Variants in MCCC1 observed in about 807,000 individuals in gnomAD.
MCCC1 encodes the protein methylcrotonyl-CoA carboxylase subunit 1, also known as methylcrotonoyl-CoA carboxylase subunit alpha, mitochondrial.
A neutral mutation model predicts 83.8 loss-of-function variants in MCCC1; 64 were observed. That is an observed-to-expected ratio of 0.76 (90% CI 0.62 to 0.94). The LOEUF (loss-of-function observed/expected upper bound fraction) is 0.94, where lower values mean the gene tolerates loss of function less well. Among genes scored for constraint, MCCC1 ranks in the 40% least tolerant of loss-of-function variants. MCCC1 has a pLI of 0.00. For synonymous variants in MCCC1, 322 were observed against 315.4 expected, an observed-to-expected ratio of 1.02 and a Z score of -0.22; for missense variants, 807 against 904.7, an observed-to-expected ratio of 0.89 and a Z score of 1.39.
At chr3:183,074,664 G>A (rs1716933419) in intron 4 of MCCC1, among the ~76,000 whole-genome samples, 1 of 152,102 alleles carries the variant, frequency 6.6e-6, no homozygotes. Flanking sequence ...TAAAATGCTG[G>A]ATACTCATAT....
chr3:183,040,669 G>A (rs1714006876), intron 11 of MCCC1, among the ~76,000 whole-genome samples: 2 of 151,992 alleles, frequency 1.3e-5, no homozygotes, highest in Non-Finnish European at 2.9e-5. Context: ...GTTGTAGTGA[G>A]CTGAGATCAC....
intron 10 of MCCC1, among the ~76,000 whole-genome samples, chr3:183,042,399 C>A (rs1270301950): frequency 1.3e-5 from 2 of 152,172 alleles, no homozygotes; most frequent in African/African-American, 4.8e-5. Context: ...CTTCAATTAA[C>A]TAGTATAAAT....
At position 183,099,300 on chromosome 3, in the gene MCCC1, G is replaced by C. The variant is rs535680063; in HGVS notation, c.89+52C>G. On this transcript the variant is annotated intron_variant, in intron 1 of 18. Coordinates refer to ENST00000265594, the MANE Select transcript of MCCC1 (RefSeq NM_020166.5). ...CACCTCCCACCGCTCACGCGGGTCC[G>C]TGCACCCCTCGCTCCCGCCTCTGCC... 8 of 1,544,084 alleles carry C rather than the reference G, an allele frequency of 5.2e-6. No individual in the cohort carries two copies. The East Asian group carries it at 1.9e-4, about 37-fold the overall frequency.
chr3:183,033,267 T>C (rs1208789931), intron 14 of MCCC1, among the ~76,000 whole-genome samples: 1 of 152,226 alleles, frequency 6.6e-6, no homozygotes, highest in Non-Finnish European at 1.5e-5. Context: ...CCAACTCAAA[T>C]TAGTTTACAA....
At chr3:183,021,954 T>C (rs986296869) in intron 16 of MCCC1, among the ~76,000 whole-genome samples, 8 of 152,002 alleles carry the variant, frequency 5.3e-5, no homozygotes, top group African/African-American at 1.7e-4. Context: ...AGACCACCAG[T>C]AATGCCATCC....
At chr3:183,089,306 T>TAAGAGTG (rs2108558838) in intron 3 of MCCC1, among the ~76,000 whole-genome samples, 2 of 152,190 alleles carry the variant, frequency 1.3e-5, no homozygotes, top group South Asian at 4.1e-4. Flanking sequence ...GGGGGACAGT[T>TAAGAGTG]AAGAGTGGAG....
Position 183,015,410 on chromosome 3 carries a change from A to G in MCCC1, c.*28T>C. On this transcript the variant is annotated 3_prime_UTR_variant, in exon 19 of 19. Coordinates refer to ENST00000265594, the MANE Select transcript of MCCC1 (RefSeq NM_020166.5). ...CTTTTTGGTGGAGAGAGAAGACACTACTTAACTGGCCATTTCCTTGCTGGA... is the reference window on the plus strand; with the variant it reads ...CTTTTTGGTGGAGAGAGAAGACACTGCTTAACTGGCCATTTCCTTGCTGGA... 6.2e-7 allele frequency: 1 copy of G among 1,613,674 alleles called. No individual in the cohort carries two copies. The highest frequency in any genetic ancestry group is 8.5e-7 in the Non-Finnish European group (1 of 1,179,712).
intron 9 of MCCC1, among the ~76,000 whole-genome samples, chr3:183,050,855 C>T (rs1177614652): frequency 6.6e-6 from 1 of 151,958 alleles, no homozygotes; most frequent in East Asian, 1.9e-4. Flanking sequence ...AACAAACAAC[C>T]TGATTAAAAA....
intron 4 of MCCC1, among the ~76,000 whole-genome samples, chr3:183,076,320 C>T (rs1717070891): frequency 1.3e-5 from 2 of 152,158 alleles, no homozygotes; most frequent in Admixed American, 1.3e-4. Context: ...TTTAACTTCA[C>T]ATAATTTTTC....
intron 1 of MCCC1, among the ~76,000 whole-genome samples, chr3:183,108,975 G>A (rs942730823): frequency 6.6e-6 from 1 of 151,994 alleles, no homozygotes; most frequent in Non-Finnish European, 1.5e-5. Context: ...AGGTTTGTGG[G>A]GTTTTTTGTT....
Position 183,045,205 on chromosome 3 carries a change from G to C in MCCC1, c.1083+208C>G, listed in dbSNP as rs113456152. Among the ~76,000 whole-genome samples the C allele has an allele frequency of 9.9e-3, 1,485 of 150,720 alleles. 30 individuals carry two copies. Among genetic ancestry groups the C allele is most frequent in the African/African-American group, 0.035 (1,419 of 41,002 alleles). On this transcript the variant is annotated intron_variant, in intron 10 of 18. Transcript: ENST00000265594. ...AGTGATTCTCCTGCCTCAGCCTCCT[G>C]AGTACCGGGGACTACAGGCACCCGG...
At chr3:183,092,229 G>A (rs985185685) in intron 3 of MCCC1, 180 bp downstream of exon 3, 37 of 695,110 alleles carry the variant, frequency 5.3e-5, no homozygotes, top group South Asian at 1.6e-4. Flanking sequence ...TAAGCACACC[G>A]CTTAGTTCAA....
At position 183,071,230 on chromosome 3, in the gene MCCC1, C is replaced by T. The variant is rs149268368; in HGVS notation, c.619G>A (p.Val207Ile). 6.3e-5 allele frequency: 102 copies of T among 1,614,222 alleles called. No individual in the cohort carries two copies. The highest frequency in any genetic ancestry group is 8.0e-5 in the African/African-American group (6 of 75,062). ...CTTACTTTTCCTCCTCCACCCCGGA[C>T]GGCTTTAATCATGACAGGATAGCCA... Reference protein sequence around the residue: ...RIGYPVMIKAVRGGGGKGMRI... With the variant: ...RIGYPVMIKAIRGGGGKGMRI... The change falls in exon 6 of 19, where the codon GTC becomes ATC. Residue 207 changes from valine (V) to isoleucine (I), a missense_variant. By Grantham distance (29) the Val-to-Ile change is conservative (BLOSUM62 3). Transcript: ENST00000265594.
At chr3:183,072,849 C>T (rs2108529214) in intron 4 of MCCC1, among the ~76,000 whole-genome samples, 1 of 152,276 alleles carries the variant, frequency 6.6e-6, no homozygotes, top group African/African-American at 2.4e-5. Flanking sequence ...TTCTCCATTC[C>T]CTCCCTTTCC....
chr3:183,048,714 G>A (rs933841879), intron 9 of MCCC1, among the ~76,000 whole-genome samples: 5 of 152,142 alleles, frequency 3.3e-5, no homozygotes, highest in Admixed American at 6.5e-5. Context: ...AAATCACTAA[G>A]GACATAGTTG....
chr3:183,104,814 G>A (rs989407030), intron 1 of MCCC1, among the ~76,000 whole-genome samples: 1 of 152,082 alleles, frequency 6.6e-6, no homozygotes, highest in Admixed American at 6.6e-5. Context: ...AATTAGTGAG[G>A]GGTGTGGGAA....
intron 5 of MCCC1, 63 bp from the exon 6 acceptor site, chr3:183,071,420 CATAA>C: frequency 1.2e-6 from 2 of 1,607,444 alleles, no homozygotes; most frequent in Non-Finnish European, 1.7e-6. Context: ...TCAAGACAAA[CATAA>C]ATATAGCCCA....
rs1252166450 is a variant in MCCC1 at position 183,015,225 on chromosome 3, C to G, written c.*213G>C. The G allele has an allele frequency of 6.8e-6, 4 of 591,164 alleles. No homozygotes were observed. Among genetic ancestry groups the G allele is most frequent in the Non-Finnish European group, 9.0e-6 (3 of 335,062 alleles). The allele number at this position is 591,164 out of a possible 1,614,324, so 36.6% of individuals were successfully genotyped here. On this transcript the variant is annotated 3_prime_UTR_variant, in exon 19 of 19. Transcript: ENST00000265594. ...TTGAGGCAGAAACAAACATTGGCTTCCAATAAAAAATAATTCAACTTTATT... is the reference window on the plus strand; with the variant it reads ...TTGAGGCAGAAACAAACATTGGCTTGCAATAAAAAATAATTCAACTTTATT...
chr3:183,086,785 C>A lies in MCCC1; in HGVS notation c.277G>T (p.Asp93Tyr), dbSNP rs765426351. 1 of 1,613,876 alleles carries A rather than the reference C, an allele frequency of 6.2e-7. No individual in the cohort carries two copies. The highest frequency in any genetic ancestry group is 8.5e-7 in the Non-Finnish European group (1 of 1,179,906). ...DRNSMHVDMA[D>Y]EAYSIGPAPS... ...GCGGGGCCGATGGAATATGCTTCAT[C>A]TGCCTGTTTAAGAAACATCACATGC... The change falls in exon 4 of 19, where the codon GAT becomes TAT. Residue 93 changes from aspartate (D) to tyrosine (Y), a missense_variant. Transcript: ENST00000265594.
Sources: allele counts gnomAD v4.1 joint callset (sites outside exome capture counted in the v4.1 genomes callset), GRCh38; gene constraint gnomAD v4.1.1; transcripts MANE v1.5; gene names NCBI Gene and HGNC (gene_info 2026-07-23, HGNC 2026-07-21).